GALNTL6: variants seen among roughly 807,000 people sequenced by gnomAD.
GALNTL6 encodes the protein polypeptide N-acetylgalactosaminyltransferase like 6.
A neutral mutation model predicts 73.7 loss-of-function variants in GALNTL6; 46 were observed. The ratio of observed to expected loss-of-function variants is 0.62; its 90% CI spans 0.49 to 0.80. GALNTL6 has a LOEUF of 0.80. GALNTL6 is among the 30% of genes least tolerant of loss of function. The probability of loss-of-function intolerance (pLI) is 0.00; values close to 1 mark genes in which losing one functional copy is unlikely to be tolerated. For missense variants in GALNTL6, 604 were observed against 755.0 expected (o/e 0.80, Z 2.34); for synonymous variants, 259 against 263.7 (o/e 0.98, Z 0.17).
intron 5 of GALNTL6, among the ~76,000 whole-genome samples, chr4:172,796,562 T>C (rs1740278682): frequency 6.6e-6 from 1 of 152,234 alleles, no homozygotes; most frequent in African/African-American, 2.4e-5. Context: ...CATCCAAGAA[T>C]CTAAGACGCA....
intron 5 of GALNTL6, among the ~76,000 whole-genome samples, chr4:172,657,532 A>G (rs1163462408): frequency 6.6e-6 from 1 of 152,156 alleles, no homozygotes; most frequent in East Asian, 1.9e-4. Flanking sequence ...TGAAAACTAA[A>G]TTTTTTGTTT....
At chr4:172,245,567 A>G (rs1202754074) in intron 3 of GALNTL6, among the ~76,000 whole-genome samples, 2 of 152,200 alleles carry the variant, frequency 1.3e-5, no homozygotes, top group East Asian at 3.8e-4. Context: ...CTGTATTTAC[A>G]GAGAGTCTCC....
chr4:172,084,110 C>A (rs1179695654), intron 2 of GALNTL6, among the ~76,000 whole-genome samples: 2 of 152,020 alleles, frequency 1.3e-5, no homozygotes, highest in African/African-American at 2.4e-5. Context: ...TTTTCTATGA[C>A]AAAGGCTGTG....
At chr4:173,022,224 G>T (rs192994778) in intron 12 of GALNTL6, among the ~76,000 whole-genome samples, 1 of 133,448 alleles carries the variant, frequency 7.5e-6, no homozygotes, top group Non-Finnish European at 1.6e-5. Context: ...AGGAAGGAAG[G>T]AAGTTTTGAA....
intron 5 of GALNTL6, among the ~76,000 whole-genome samples, chr4:172,593,470 C>A (rs994615851): frequency 7.2e-5 from 11 of 152,096 alleles, no homozygotes; most frequent in African/African-American, 2.7e-4. Context: ...GGTAATGCTG[C>A]CTAAATTCCA....
chr4:172,601,337 G>A (rs1738044351), intron 5 of GALNTL6, among the ~76,000 whole-genome samples: 2 of 152,260 alleles, frequency 1.3e-5, no homozygotes, highest in African/African-American at 4.8e-5. Flanking sequence ...CACTAATGTG[G>A]TAGTGTTGGG....
intron 2 of GALNTL6, among the ~76,000 whole-genome samples, chr4:172,110,347 A>G (rs552632976): frequency 1.3e-5 from 2 of 152,334 alleles, no homozygotes; most frequent in Admixed American, 1.3e-4. Context: ...ATCGGAGGCC[A>G]TCAGTATAGC....
At chr4:171,903,962 A>G (rs1269554713) in intron 2 of GALNTL6, among the ~76,000 whole-genome samples, 1 of 152,184 alleles carries the variant, frequency 6.6e-6, no homozygotes, top group Admixed American at 6.5e-5. Flanking sequence ...ACTAACAAAC[A>G]GAAAGGACAT....
At chr4:172,098,987 A>G (rs1423068563) in intron 2 of GALNTL6, among the ~76,000 whole-genome samples, 1 of 152,124 alleles carries the variant, frequency 6.6e-6, no homozygotes, top group African/African-American at 2.4e-5. Context: ...AAAATCACTG[A>G]CAGTGTGTTT....
At chr4:171,915,585 C>T (rs1737593988) in intron 2 of GALNTL6, among the ~76,000 whole-genome samples, 1 of 152,136 alleles carries the variant, frequency 6.6e-6, no homozygotes, top group Non-Finnish European at 1.5e-5. Flanking sequence ...TAACATTTTT[C>T]ATTACACTGC....
intron 5 of GALNTL6, among the ~76,000 whole-genome samples, chr4:172,603,595 A>G (rs1738146883): frequency 6.6e-6 from 1 of 152,242 alleles, no homozygotes; most frequent in African/African-American, 2.4e-5. Context: ...AAAAAATCTT[A>G]ATGAAACCAT....
chr4:172,273,428 T>C (rs995739630), intron 3 of GALNTL6, among the ~76,000 whole-genome samples: 7 of 152,150 alleles, frequency 4.6e-5, no homozygotes, highest in Admixed American at 3.3e-4. Flanking sequence ...AGAACTTCTG[T>C]AGCACTAAGA....
Position 172,229,755 on chromosome 4 carries a change from A to C in GALNTL6, c.238A>C (p.Met80Leu). 6.2e-7 allele frequency: 1 copy of C among 1,607,412 alleles called. No homozygotes were observed. The highest frequency in any genetic ancestry group is 8.5e-7 in the Non-Finnish European group (1 of 1,174,160). Reference protein sequence around the residue: ...HDYESIQKEAMRSGKGEHGKP... With the variant: ...HDYESIQKEALRSGKGEHGKP... The stretch of plus-strand genomic sequence containing the variant: ...CTATGAAAGCATTCAGAAAGAGGCT[A>C]TGCGCTCAGGTATGAAGCTCAGTGT... The change falls in exon 3 of 13, where the codon ATG becomes CTG. Residue 80 changes from methionine to leucine, a missense_variant. Met to Leu is a conservative substitution (Grantham distance 15, BLOSUM62 2). This residue lies in a region of GALNTL6 where 141 missense variants were observed against 156.6 expected (regional missense o/e 0.90). Transcript: ENST00000506823.
chr4:172,717,505 G>A (rs754582381), intron 5 of GALNTL6, among the ~76,000 whole-genome samples: 1 of 152,178 alleles, frequency 6.6e-6, no homozygotes, highest in Non-Finnish European at 1.5e-5. Context: ...TGGCAGATGA[G>A]CACCAATTGG....
At chr4:172,901,693 C>G (rs1218552935) in intron 8 of GALNTL6, among the ~76,000 whole-genome samples, 2 of 152,140 alleles carry the variant, frequency 1.3e-5, no homozygotes, top group Non-Finnish European at 2.9e-5. Flanking sequence ...CAGAAAATTG[C>G]TTTATCTGAA....
intron 5 of GALNTL6, among the ~76,000 whole-genome samples, chr4:172,598,751 C>T (rs1325217472): frequency 6.6e-6 from 1 of 152,152 alleles, no homozygotes; most frequent in African/African-American, 2.4e-5. Context: ...TGAACTCACA[C>T]TTTGATTCCA....
chr4:171,954,359 G>A (rs1187437917), intron 2 of GALNTL6, among the ~76,000 whole-genome samples: 1 of 152,168 alleles, frequency 6.6e-6, no homozygotes, highest in Non-Finnish European at 1.5e-5. Context: ...TAATCATGAT[G>A]CCTACTTATA....
At chr4:172,686,808 ATATTTTGTTTT>A (rs1387439518) in intron 5 of GALNTL6, among the ~76,000 whole-genome samples, 2 of 152,144 alleles carry the variant, frequency 1.3e-5, no homozygotes, top group African/African-American at 4.8e-5. Context: ...CAAATAATTG[ATATTTTGTTTT>A]TAGGCCTCAT....
At chr4:172,306,985 G>A (rs1370215279) in intron 3 of GALNTL6, among the ~76,000 whole-genome samples, 4 of 152,264 alleles carry the variant, frequency 2.6e-5, no homozygotes, top group Admixed American at 2.6e-4. Context: ...ACCCAGTAGA[G>A]GGCTTGTGAA....
Sources: allele counts gnomAD v4.1 joint callset (sites outside exome capture counted in the v4.1 genomes callset), GRCh38; gene constraint gnomAD v4.1.1; regional missense constraint gnomAD v4.1.1; transcripts MANE v1.5; gene names NCBI Gene and HGNC (gene_info 2026-07-23, HGNC 2026-07-21).